The following CSMD1 variants were observed in gnomAD, a reference collection of about 807,000 sequenced individuals.
CSMD1 encodes CUB and sushi domain-containing protein 1.
CSMD1 carries 213 observed loss-of-function variants against 417.5 expected under a neutral mutation model. That is an observed-to-expected ratio of 0.51 (90% CI 0.46 to 0.57). The LOEUF is 0.57. Among genes scored for constraint, CSMD1 ranks in the 20% least tolerant of loss-of-function variants. The probability of loss-of-function intolerance (pLI) is 0.00; values close to 1 mark genes in which losing one functional copy is unlikely to be tolerated. For synonymous variants in CSMD1, 2,862 were observed against 1,736.8 expected (o/e 1.65, Z -16.11); for missense variants, 6,923 against 4,529.7 (o/e 1.53, Z -15.17).
chr8:2,951,228 C>G lies in CSMD1; in HGVS notation c.10087G>C (p.Glu3363Gln), dbSNP rs766694204. 2 of 1,607,756 alleles carry G rather than the reference C, an allele frequency of 1.2e-6. No individual in the cohort carries two copies. ...FVNSLWKGYYEYLGKRQPATL... is the reference protein window; with the variant it reads ...FVNSLWKGYYQYLGKRQPATL... ...GCGGGTTGTCTTTTCCCTAAATATT[C>G]ATAATACCCCTTCCACAGTGAATTG... Residue 3363 changes from glutamate (E) to glutamine (Q), a missense_variant, in exon 66 of 70, where the codon GAA becomes CAA. Coordinates refer to ENST00000635120, the MANE Select transcript of CSMD1 (RefSeq NM_033225.6).
chr8:4,298,159 T>C (rs2128871533), intron 3 of CSMD1, among the ~76,000 whole-genome samples: 1 of 152,246 alleles, frequency 6.6e-6, no homozygotes, highest in African/African-American at 2.4e-5. Context: ...AAGAAAAGTT[T>C]AGAAAAACAT....
At chr8:4,967,945 AT>A (rs903699831) in intron 1 of CSMD1, among the ~76,000 whole-genome samples, 29 of 151,682 alleles carry the variant, frequency 1.9e-4, no homozygotes, top group Non-Finnish European at 2.9e-4. Flanking sequence ...AAAATGATGT[AT>A]TTTTTTTTCT....
At chr8:4,065,089 G>C (rs557122203) in intron 3 of CSMD1, among the ~76,000 whole-genome samples, 1 of 152,270 alleles carries the variant, frequency 6.6e-6, no homozygotes, top group Non-Finnish European at 1.5e-5. Context: ...TATAAAAATT[G>C]TGAAGATTTA....
At chr8:4,297,043 G>A (rs369851932) in intron 3 of CSMD1, among the ~76,000 whole-genome samples, 76 of 152,116 alleles carry the variant, frequency 5.0e-4, no homozygotes, top group Non-Finnish European at 8.2e-4. Flanking sequence ...ACATTTTTAC[G>A]CCAATAAAAA....
chr8:4,691,402 T>C (rs182678890), intron 1 of CSMD1, among the ~76,000 whole-genome samples: 1 of 152,322 alleles, frequency 6.6e-6, no homozygotes, highest in African/African-American at 2.4e-5. Context: ...GCAACCACCT[T>C]CTTGCAACAT....
intron 1 of CSMD1, among the ~76,000 whole-genome samples, chr8:4,860,561 T>C (rs556846712): frequency 4.6e-5 from 7 of 152,258 alleles, no homozygotes; most frequent in African/African-American, 1.4e-4. Context: ...CCATGCTTTC[T>C]GTACAGCCTG....
intron 1 of CSMD1, among the ~76,000 whole-genome samples, chr8:4,822,377 T>G (rs1017092486): frequency 6.6e-6 from 1 of 152,118 alleles, no homozygotes; most frequent in East Asian, 1.9e-4. Context: ...ATTGCTTTAT[T>G]TGACCTCAAC....
chr8:4,481,647 G>C (rs531224860), intron 2 of CSMD1, among the ~76,000 whole-genome samples: 1 of 152,098 alleles, frequency 6.6e-6, no homozygotes, highest in Admixed American at 6.6e-5. Context: ...GCACCAAGAG[G>C]TTAAATACCT....
At chr8:4,495,558 G>C (rs1217188422) in intron 2 of CSMD1, among the ~76,000 whole-genome samples, 2 of 151,218 alleles carry the variant, frequency 1.3e-5, no homozygotes, top group African/African-American at 2.4e-5. Flanking sequence ...CTGGGTGACA[G>C]AGCAAGACTC....
chr8:3,604,472 G>A (rs755088253), intron 8 of CSMD1, among the ~76,000 whole-genome samples: 4 of 152,104 alleles, frequency 2.6e-5, no homozygotes, highest in African/African-American at 4.8e-5. Flanking sequence ...TGGAAAACAC[G>A]AGAAGGATCA....
chr8:4,310,499 ACTT>A (rs1173693329), intron 3 of CSMD1, among the ~76,000 whole-genome samples: 2 of 145,358 alleles, frequency 1.4e-5, no homozygotes, highest in East Asian at 2.1e-4. Context: ...TTAATTTGAA[ACTT>A]CTTTTCTTCC....
chr8:3,465,810 T>C (rs1199659360), intron 12 of CSMD1, among the ~76,000 whole-genome samples: 1 of 152,168 alleles, frequency 6.6e-6, no homozygotes, highest in Non-Finnish European at 1.5e-5. Flanking sequence ...TGGCATTTCT[T>C]GCATAGCAGT....
At chr8:4,420,752 T>C (rs1217537) in intron 2 of CSMD1, among the ~76,000 whole-genome samples, 49,062 of 152,050 alleles carry the variant, frequency 0.32, 8,742 homozygotes, top group Non-Finnish European at 0.41. Context: ...GGCAAACCAA[T>C]GCTGACACAG....
Position 3,406,011 on chromosome 8 carries a change from G to A in CSMD1, c.2266+16C>T, listed in dbSNP as rs569211195. On this transcript the variant is annotated intron_variant, in intron 15 of 69. Coordinates refer to ENST00000635120, the MANE Select transcript of CSMD1 (RefSeq NM_033225.6). ...TGATTTCAAAGGAGAAGAGCGGGGG[G>A]TGGCAGGGACTGCACCTTCACAGCG... is the stretch of plus-strand genomic sequence containing the variant. The A allele has an allele frequency of 8.9e-5, 143 of 1,610,250 alleles. No individual in the cohort carries two copies. The highest frequency in any genetic ancestry group is 3.7e-4 in the African/African-American group (28 of 74,920).
intron 3 of CSMD1, among the ~76,000 whole-genome samples, chr8:4,077,297 G>GTATATATATATATATATATA (rs200304943): frequency 5.8e-5 from 7 of 121,290 alleles, no homozygotes; most frequent in South Asian, 5.0e-4. Flanking sequence ...ATATATATGT[G>GTATATATATATATATATATA]TATATATATA....
At chr8:3,742,277 A>C (rs1400422565) in intron 6 of CSMD1, among the ~76,000 whole-genome samples, 1 of 152,194 alleles carries the variant, frequency 6.6e-6, no homozygotes, top group Non-Finnish European at 1.5e-5. Context: ...ATTTCAGGTA[A>C]ACATAACGTT....
chr8:4,213,798 T>G (rs1245223714), intron 3 of CSMD1, among the ~76,000 whole-genome samples: 1 of 152,154 alleles, frequency 6.6e-6, no homozygotes, highest in Non-Finnish European at 1.5e-5. Flanking sequence ...GAACGCAAAC[T>G]AACTTGCATT....
chr8:3,776,659 C>T (rs533101137), intron 5 of CSMD1, among the ~76,000 whole-genome samples: 1 of 152,216 alleles, frequency 6.6e-6, no homozygotes, highest in South Asian at 2.1e-4. Context: ...TTCCCTCCTT[C>T]CCACCAAGGC....
rs71521901 is a variant in CSMD1, at chr8:3,997,986, G to C, written c.735C>G (p.Thr245=). ...TWTILAEPGD[T]IALVFTDFQL... ...GAAAGTCAGTGAAGACCAGCGCAAT[G>C]GTGTCCCCGGGCTCAGCCAGAATGG... Residue 245 remains threonine, a synonymous_variant, in exon 5 of 70, where the codon ACC becomes ACG. Transcript: ENST00000635120. The C allele has an allele frequency of 0.013, 20,149 of 1,610,502 alleles. 171 individuals are homozygous for C. Among genetic ancestry groups the C allele is most frequent in the Non-Finnish European group, 0.015 (17,237 of 1,178,248 alleles).
Sources: allele counts gnomAD v4.1 joint callset (sites outside exome capture counted in the v4.1 genomes callset), GRCh38; gene constraint gnomAD v4.1.1; transcripts MANE v1.5; gene names NCBI Gene and HGNC (gene_info 2026-07-23, HGNC 2026-07-21).